The following PCLO variants were observed in gnomAD, a reference collection of about 807,000 sequenced individuals.
The protein encoded by PCLO is piccolo presynaptic cytomatrix protein, also known as protein piccolo.
PCLO carries 82 observed loss-of-function variants against 427.5 expected under a neutral mutation model. The ratio of observed to expected loss-of-function variants is 0.19; its 90% CI spans 0.16 to 0.23. PCLO has a LOEUF of 0.23. PCLO is among the 10% of genes least tolerant of loss of function. PCLO has a pLI of 1.00. For missense variants in PCLO, 6,239 were observed against 6,115.9 expected, an observed-to-expected ratio of 1.02 and a Z score of -0.67; for synonymous variants, 2,357 against 2,155.4, an observed-to-expected ratio of 1.09 and a Z score of -2.59.
intron 3 of PCLO, among the ~76,000 whole-genome samples, chr7:83,104,104 A>G (rs993554563): frequency 3.4e-5 from 5 of 149,002 alleles, no homozygotes; most frequent in Non-Finnish European, 7.4e-5. Context: ...GTAACAGTGC[A>G]GGAAATCTGA....
chr7:83,103,772 C>A (rs1584029334), intron 3 of PCLO, among the ~76,000 whole-genome samples: 2 of 151,872 alleles, frequency 1.3e-5, no homozygotes, highest in African/African-American at 4.8e-5. Context: ...ACAACAAATG[C>A]AGAAAATACC....
At chr7:82,902,138 G>T (rs1794057787) in intron 9 of PCLO, among the ~76,000 whole-genome samples, 1 of 151,950 alleles carries the variant, frequency 6.6e-6, no homozygotes. Context: ...TATGTTTATT[G>T]CGGGACTATT....
intron 3 of PCLO, among the ~76,000 whole-genome samples, chr7:83,106,547 T>A (rs1790861453): frequency 6.6e-6 from 1 of 152,336 alleles, no homozygotes; most frequent in African/African-American, 2.4e-5. Context: ...TAGCCATTTT[T>A]ATGTGTTTTC....
chr7:82,823,689 G>A (rs1791856147), intron 19 of PCLO, among the ~76,000 whole-genome samples: 1 of 152,102 alleles, frequency 6.6e-6, no homozygotes, highest in African/African-American at 2.4e-5. Flanking sequence ...ATTAGCTTGA[G>A]TCCAACATTT....
chr7:82,984,685 T>C (rs1186528668), intron 3 of PCLO, among the ~76,000 whole-genome samples: 2 of 152,004 alleles, frequency 1.3e-5, no homozygotes, highest in African/African-American at 2.4e-5. Flanking sequence ...CTTTGCTCAC[T>C]TAGCTAACAT....
At chr7:83,101,651 T>C (rs1790742462) in intron 3 of PCLO, among the ~76,000 whole-genome samples, 2 of 152,164 alleles carry the variant, frequency 1.3e-5, no homozygotes, top group Admixed American at 1.3e-4. Flanking sequence ...TTGAATGGTA[T>C]GTGTTTTACT....
chr7:83,093,492 A>ATATATATATTTTTTTTTTT, intron 3 of PCLO, among the ~76,000 whole-genome samples: 5 of 59,308 alleles, frequency 8.4e-5, no homozygotes, highest in Non-Finnish European at 1.6e-4. Flanking sequence ...ATATATATAT[A>ATATATATATTTTTTTTTTT]TTTTTTTTTT....
intron 3 of PCLO, among the ~76,000 whole-genome samples, chr7:83,005,687 G>A (rs1212014720): frequency 6.6e-6 from 1 of 151,430 alleles, no homozygotes; most frequent in Non-Finnish European, 1.5e-5. Flanking sequence ...TGTACAGGTA[G>A]GTATATGAAA....
rs201409874 is a variant in PCLO at position 82,953,382 on chromosome 7, T to A, written c.7571A>T (p.Gln2524Leu). Reference protein sequence around the residue: ...PVIPQLPTTTQKPTDIHPKPT... With the variant: ...PVIPQLPTTTLKPTDIHPKPT... ...TTTGGGGTGTATATCTGTTGGTTTT[T>A]GTGTAGTTGTTGGAAGCTGAGGAAT... The change falls in exon 5 of 25, where the codon CAA (glutamine) becomes CTA (leucine). Residue 2524 changes from glutamine (Q) to leucine (L), a missense_variant. Physicochemically the swap from Gln to Leu is moderately radical, Grantham distance 113 (BLOSUM62 -2). This residue lies in a region of PCLO where 4,677 missense variants were observed against 4,468.4 expected (regional missense o/e 1.05). Coordinates refer to ENST00000333891, the MANE Select transcript of PCLO (RefSeq NM_033026.6). 9.4e-5 allele frequency: 151 copies of A among 1,613,694 alleles called. 1 individual carries two copies. The African/African-American group carries it at 1.7e-3, about 18-fold the overall frequency.
intron 22 of PCLO, among the ~76,000 whole-genome samples, chr7:82,794,088 T>C (rs1490426551): frequency 1.3e-5 from 2 of 152,192 alleles, no homozygotes; most frequent in African/African-American, 2.4e-5. Flanking sequence ...TGTTGAGATA[T>C]CGTTTGAATT....
At chr7:82,808,044 G>A (rs1791491667) in intron 20 of PCLO, among the ~76,000 whole-genome samples, 1 of 151,866 alleles carries the variant, frequency 6.6e-6, no homozygotes, top group African/African-American at 2.4e-5. Flanking sequence ...CATGTATAAA[G>A]TAGATTAAAA....
At chr7:82,785,362 G>A (rs542348668) in intron 22 of PCLO, among the ~76,000 whole-genome samples, 2 of 152,194 alleles carry the variant, frequency 1.3e-5, no homozygotes, top group East Asian at 1.9e-4. Flanking sequence ...GGTGATGCTC[G>A]CTTGGCTGCC....
intron 3 of PCLO, among the ~76,000 whole-genome samples, chr7:83,061,167 G>C (rs1583972434): frequency 1.3e-5 from 2 of 152,156 alleles, no homozygotes; most frequent in East Asian, 3.9e-4. Context: ...GGTCTCATAA[G>C]GTTGAAATCA....
chr7:83,059,357 A>AAAATATATATAT (rs1332566491), intron 3 of PCLO, among the ~76,000 whole-genome samples: 88 of 111,788 alleles, frequency 7.9e-4, no homozygotes, highest in South Asian at 1.5e-3. Flanking sequence ...ACACCTTTAA[A>AAAATATATATAT]ATATATATAT....
chr7:82,866,287 C>T (rs1422219088), intron 10 of PCLO, among the ~76,000 whole-genome samples: 3 of 151,882 alleles, frequency 2.0e-5, no homozygotes, highest in Non-Finnish European at 4.4e-5. Context: ...ACCCTCCTTG[C>T]TATATTTTTC....
intron 6 of PCLO, among the ~76,000 whole-genome samples, chr7:82,928,501 C>T (rs1794766742): frequency 6.6e-6 from 1 of 152,126 alleles, no homozygotes; most frequent in Non-Finnish European, 1.5e-5. Context: ...CTGCCTTAGC[C>T]TCCCGAGTAG....
chr7:82,863,416 C>G (rs1793013473), intron 10 of PCLO, among the ~76,000 whole-genome samples: 1 of 151,794 alleles, frequency 6.6e-6, no homozygotes, highest in South Asian at 2.1e-4. Flanking sequence ...ATATTCTGTT[C>G]TTTATATCAC....
chr7:82,852,530 T>C (rs4495365), intron 10 of PCLO, among the ~76,000 whole-genome samples: 12 of 152,088 alleles, frequency 7.9e-5, no homozygotes, highest in African/African-American at 2.9e-4. Context: ...TTTGGACTCT[T>C]GGATGTACAC....
At chr7:83,000,963 T>C (rs997884735) in intron 3 of PCLO, among the ~76,000 whole-genome samples, 1 of 151,738 alleles carries the variant, frequency 6.6e-6, no homozygotes, top group Non-Finnish European at 1.5e-5. Flanking sequence ...GAGAAAGAAA[T>C]TAGTGAGTTT....
Sources: gnomAD v4.1 joint callset for allele counts (sites outside exome capture counted in the v4.1 genomes callset) on GRCh38, gnomAD v4.1.1 for gene constraint, gnomAD v4.1.1 regional missense constraint, MANE v1.5 for transcripts, NCBI Gene and HGNC (gene_info 2026-07-23, HGNC 2026-07-21) for gene names.